The following SOX6 variants were observed in gnomAD, a reference collection of about 807,000 sequenced individuals.
The protein encoded by SOX6 is SRY-box transcription factor 6, also known as transcription factor SOX-6.
Under a neutral mutation model 97.8 loss-of-function variants are expected in SOX6, and 11 were observed. That is an observed-to-expected ratio of 0.11 (90% CI 0.07 to 0.19). The LOEUF (loss-of-function observed/expected upper bound fraction) is 0.19. SOX6 is among the 10% of genes least tolerant of loss of function. The pLI is 1.00. For missense variants in SOX6, 810 were observed against 1,039.5 expected (o/e 0.78, Z 3.04); for synonymous variants, 360 against 371.4 (o/e 0.97, Z 0.35).
At chr11:16,276,372 CA>C (rs1854399011) in intron 3 of SOX6, among the ~76,000 whole-genome samples, 3 of 152,184 alleles carry the variant, frequency 2.0e-5, no homozygotes, top group Non-Finnish European at 4.4e-5. Context: ...CCTTCTCCTT[CA>C]ACTGCTTTCC....
chr11:16,603,664 C>T (rs1848297656), intron 4 of SOX6, among the ~76,000 whole-genome samples: 1 of 152,158 alleles, frequency 6.6e-6, no homozygotes, highest in Non-Finnish European at 1.5e-5. Flanking sequence ...GCAGCCCTCC[C>T]CCACGAGTAG....
At chr11:16,683,132 T>A (rs1275674004) in intron 3 of SOX6, among the ~76,000 whole-genome samples, 1 of 152,176 alleles carries the variant, frequency 6.6e-6, no homozygotes, top group Non-Finnish European at 1.5e-5. Context: ...ATAGGAAGAA[T>A]CAATATCGTG....
rs1184368860 is a variant in SOX6, at chr11:16,502,254, T to C, written n.610-25866A>G. ...ACATGTTCTCACTCATAGGTGGGAA[T>C]TGAACAATGAGAACACATGGACACA... On this transcript the variant is annotated intron_variant and non_coding_transcript_variant, in intron 4 of 5. Transcript: ENST00000524520. 2.6e-5 allele frequency among the ~76,000 whole-genome samples: 4 copies of C among 151,998 alleles called. No individual in the cohort carries two copies. The East Asian group carries it at 5.8e-4, about 22-fold the overall frequency.
At chr11:16,335,796 T>C (rs550117915) in intron 2 of SOX6, among the ~76,000 whole-genome samples, 4 of 152,100 alleles carry the variant, frequency 2.6e-5, no homozygotes, top group African/African-American at 9.6e-5. Flanking sequence ...CACTCCAGAG[T>C]TGATTAGCAA....
intron 3 of SOX6, among the ~76,000 whole-genome samples, chr11:16,304,872 A>G (rs1855377365): frequency 6.6e-6 from 1 of 152,190 alleles, no homozygotes; most frequent in Non-Finnish European, 1.5e-5. Context: ...CCATAGGCCA[A>G]AAGAAATGAG....
chr11:16,201,470 T>C (rs1375032514), intron 4 of SOX6, among the ~76,000 whole-genome samples: 1 of 151,120 alleles, frequency 6.6e-6, no homozygotes, highest in African/African-American at 2.4e-5. Flanking sequence ...ATTTAAAATA[T>C]GTAGAAACTC....
At chr11:16,151,483 A>G (rs1850456282) in intron 6 of SOX6, among the ~76,000 whole-genome samples, 3 of 152,184 alleles carry the variant, frequency 2.0e-5, no homozygotes, top group African/African-American at 4.8e-5. Flanking sequence ...CAATCCCTGC[A>G]GACACCATTT....
intron 1 of SOX6, among the ~76,000 whole-genome samples, chr11:16,413,137 ATT>A (rs1190652880): frequency 2.0e-5 from 3 of 152,250 alleles, no homozygotes. Context: ...TGCAAACTTC[ATT>A]TAATAGCAGT....
chr11:16,684,893 G>T (rs1847957321), intron 3 of SOX6, among the ~76,000 whole-genome samples: 1 of 152,084 alleles, frequency 6.6e-6, no homozygotes, highest in African/African-American at 2.4e-5. Context: ...TTATCTTCTG[G>T]GGAGGCCCCA....
intron 3 of SOX6, among the ~76,000 whole-genome samples, chr11:16,239,593 T>C (rs1358150709): frequency 6.6e-6 from 1 of 152,094 alleles, no homozygotes; most frequent in Non-Finnish European, 1.5e-5. Context: ...TCTTAAATGT[T>C]TTTGCTATCT....
chr11:16,068,729 A>G (rs1336801077), intron 9 of SOX6, among the ~76,000 whole-genome samples: 1 of 152,118 alleles, frequency 6.6e-6, no homozygotes, highest in African/African-American at 2.4e-5. Flanking sequence ...GTCTGTCACA[A>G]TCCTACTCAT....
chr11:16,146,951 C>T (rs1850322452), intron 6 of SOX6, among the ~76,000 whole-genome samples: 1 of 152,156 alleles, frequency 6.6e-6, no homozygotes, highest in Non-Finnish European at 1.5e-5. Flanking sequence ...GCGGCGATTC[C>T]TCAAGGATCC....
chr11:16,235,579 C>T (rs1250118938), intron 3 of SOX6, among the ~76,000 whole-genome samples: 5 of 152,034 alleles, frequency 3.3e-5, no homozygotes, highest in Admixed American at 3.3e-4. Context: ...ATCCTTAGTG[C>T]AAAGCATACT....
chr11:16,212,256 T>C (rs1852251969), intron 4 of SOX6, among the ~76,000 whole-genome samples: 1 of 152,172 alleles, frequency 6.6e-6, no homozygotes, highest in African/African-American at 2.4e-5. Context: ...TCCAGCAGTC[T>C]CCTGTGCCTC....
chr11:16,448,573 A>G (rs1209275265), intron 1 of SOX6, among the ~76,000 whole-genome samples: 1 of 152,210 alleles, frequency 6.6e-6, no homozygotes, highest in East Asian at 1.9e-4. Context: ...TTACACTTTC[A>G]TATGACTTTC....
At chr11:16,288,367 T>C (rs1854812574) in intron 3 of SOX6, among the ~76,000 whole-genome samples, 1 of 152,046 alleles carries the variant, frequency 6.6e-6, no homozygotes, top group Non-Finnish European at 1.5e-5. Context: ...TTTTATATGC[T>C]TTATAGTCTC....
At chr11:16,711,396 G>T (rs1175239054) in intron 3 of SOX6, among the ~76,000 whole-genome samples, 1 of 146,308 alleles carries the variant, frequency 6.8e-6, no homozygotes, top group Non-Finnish European at 1.5e-5. Context: ...AGGCATGGTG[G>T]GCCTATAGTC....
intron 6 of SOX6, among the ~76,000 whole-genome samples, chr11:16,122,259 A>G (rs1849511813): frequency 6.6e-6 from 1 of 152,048 alleles, no homozygotes; most frequent in Non-Finnish European, 1.5e-5. Flanking sequence ...AGGCCATCAC[A>G]GAAGACTGAG....
At position 16,583,614 on chromosome 11, in the gene SOX6, C is replaced by CATATATATATAT. The variant is rs534690651; in HGVS notation, n.609+28455_609+28466dup. On this transcript the variant is annotated intron_variant and non_coding_transcript_variant, in intron 4 of 5. Transcript: ENST00000524520. ...ATATGTATATATGTGTATATATATA[C>CATATATATATAT]ATATATATATATATATATATATACA... Among the ~76,000 whole-genome samples the CATATATATATAT allele has an allele frequency of 1.9e-3, 199 of 104,324 alleles. 1 individual carries two copies. Among genetic ancestry groups the CATATATATATAT allele is most frequent in the African/African-American group, 4.8e-3 (146 of 30,648 alleles). 68.4% of individuals were successfully genotyped at this position (104,324 alleles called of 152,430 possible). A position where few individuals can be genotyped will look rare whatever the true frequency, so the allele number is the denominator to read the frequency against.
Sources: gnomAD v4.1 joint callset for allele counts (sites outside exome capture counted in the v4.1 genomes callset) on GRCh38, gnomAD v4.1.1 for gene constraint, MANE v1.5 for transcripts, NCBI Gene and HGNC (gene_info 2026-07-23, HGNC 2026-07-21) for gene names.